PKM: variants seen among roughly 807,000 people sequenced by gnomAD.
PKM encodes pyruvate kinase PKM.
A neutral mutation model predicts 49.8 loss-of-function variants in PKM; 18 were observed. The observed-to-expected ratio is 0.36, with a 90% CI of 0.25 to 0.54. PKM has a LOEUF of 0.54. Among genes scored for constraint, PKM ranks in the 20% least tolerant of loss-of-function variants. The pLI is 0.89. For missense variants in PKM, 508 were observed against 713.8 expected, an observed-to-expected ratio of 0.71 and a Z score of 3.28; for synonymous variants, 239 against 261.8, an observed-to-expected ratio of 0.91 and a Z score of 0.84.
chr15:72,200,821 C>A lies in PKM; in HGVS notation c.1308-166G>T. The A allele has an allele frequency of 1.7e-6, 1 of 605,680 alleles. No individual in the cohort carries two copies. Among genetic ancestry groups the A allele is most frequent in the Non-Finnish European group, 2.9e-6 (1 of 343,060 alleles). 37.5% of individuals were successfully genotyped at this position (605,680 alleles called of 1,614,324 possible). On this transcript the variant is annotated intron_variant, in intron 9 of 10. Coordinates refer to ENST00000335181, the MANE Select transcript of PKM (RefSeq NM_002654.6). The surrounding 1 kb of genome is among the most constrained non-coding windows in gnomAD (Gnocchi z 4.6). ...CCCGAGGCTCGGGCAGCCCCTCATC[C>A]TATATCCCCCACAGCATGCTAGGTT...
chr15:72,205,699 G>A (rs1421760059), intron 8 of PKM, among the ~76,000 whole-genome samples: 24 of 150,038 alleles, frequency 1.6e-4, no homozygotes, highest in Non-Finnish European at 1.5e-5. Flanking sequence ...GCTTGGAGGG[G>A]CTGAGGTCAA....
Position 72,229,735 on chromosome 15 carries a change from CTCG to C in PKM, c.-14+1378_-14+1380del. The C allele has an allele frequency of 3.4e-6, 4 of 1,171,948 alleles. No homozygotes were observed. The South Asian group carries it at 6.2e-5, about 18-fold the overall frequency. 72.6% of individuals were successfully genotyped at this position (1,171,948 alleles called of 1,614,324 possible). A position where few individuals can be genotyped will look rare whatever the true frequency, so the allele number is the denominator to read the frequency against. On this transcript the variant is annotated intron_variant, in intron 1 of 10. Transcript: ENST00000335181. ...AGATTGTGAGCTCGGTGGGCTATGACTCGTCTAGTCATCCTGGTCTCTAACTCT... is the reference window on the plus strand; with the variant it reads ...AGATTGTGAGCTCGGTGGGCTATGACTCTAGTCATCCTGGTCTCTAACTCT...
At chr15:72,224,866 G>GAA (rs778113196) in intron 1 of PKM, among the ~76,000 whole-genome samples, 1 of 122,004 alleles carries the variant, frequency 8.2e-6, no homozygotes, top group African/African-American at 3.0e-5. Flanking sequence ...AGAAAAAAAG[G>GAA]AAAAAAAAAA....
At chr15:72,220,346 C>A (rs1381025147) in intron 1 of PKM, among the ~76,000 whole-genome samples, 1 of 152,192 alleles carries the variant, frequency 6.6e-6, no homozygotes, top group Admixed American at 6.5e-5. Context: ...ACATATGACC[C>A]TTACTCCTTT....
chr15:72,209,000 T>C (rs1462202713), intron 5 of PKM, 109 bp from the exon 6 acceptor site: 1 of 1,206,656 alleles, frequency 8.3e-7, no homozygotes, highest in Admixed American at 2.0e-5. Context: ...GCATTATGGG[T>C]GCTGGAGCTG....
At chr15:72,215,827 G>GT (rs2082365363) in intron 3 of PKM, among the ~76,000 whole-genome samples, 1 of 152,014 alleles carries the variant, frequency 6.6e-6, no homozygotes, top group African/African-American at 2.4e-5. Context: ...CTCCAGCATT[G>GT]TCTTCAGCTC....
At chr15:72,210,272 C>A in intron 4 of PKM, 75 bp downstream of exon 4, 1 of 1,525,626 alleles carries the variant, frequency 6.6e-7, no homozygotes, top group Non-Finnish European at 9.1e-7. Context: ...ACATGGCAAC[C>A]CAGCGCTTTG....
intron 4 of PKM, chr15:72,210,144 T>C (rs1003266831): frequency 2.8e-6 from 2 of 703,096 alleles, no homozygotes; most frequent in African/African-American, 3.6e-5. Context: ...AAAAAAAAGG[T>C]TCCTTTGTGG....
At position 72,227,755 on chromosome 15, in the gene PKM, A is replaced by AC. The variant is rs1567135486; in HGVS notation, c.-14+3360_-14+3361insG. 2.8e-3 allele frequency among the ~76,000 whole-genome samples: 388 copies of AC among 137,484 alleles called. 3 individuals carry two copies. Among genetic ancestry groups the AC allele is most frequent in the African/African-American group, 0.011 (372 of 34,972 alleles). 90.2% of individuals were successfully genotyped at this position (137,484 alleles called of 152,430 possible). On this transcript the variant is annotated intron_variant, in intron 1 of 10. Transcript: ENST00000335181. ...GAGCAAAACTATCTCAAAAAAAAAAAAAAAAAAAAAAAAAAAAAACAAAAA... is the reference window on the plus strand; with the variant it reads ...GAGCAAAACTATCTCAAAAAAAAAAACAAAAAAAAAAAAAAAAAAACAAAAA...
intron 9 of PKM, chr15:72,201,205 T>C (rs2081938824): frequency 6.5e-6 from 1 of 153,202 alleles, no homozygotes; most frequent in African/African-American, 2.4e-5. Context: ...AACTGGGCTA[T>C]AAAGGCCCAG....
At chr15:72,228,772 G>A in intron 1 of PKM, 1 of 420,140 alleles carries the variant, frequency 2.4e-6, no homozygotes, top group South Asian at 1.9e-5. Flanking sequence ...GGGGAGTCCT[G>A]ACCTCCATCT....
rs1415975468 is a variant in PKM at position 72,202,756 on chromosome 15, G to A, written c.1141-136C>T. 1.6e-5 allele frequency: 13 copies of A among 795,580 alleles called. No homozygotes were observed. The East Asian group carries it at 3.2e-4, about 20-fold the overall frequency. 49.3% of individuals were successfully genotyped at this position (795,580 alleles called of 1,614,324 possible). ...TGTTCCTGGGAACAAAGGCCAAGAG[G>A]AGCCCAATCACTGGAGATTCTGAGC... On this transcript the variant is annotated intron_variant, in intron 8 of 10. Coordinates refer to ENST00000335181, the MANE Select transcript of PKM (RefSeq NM_002654.6). This position sits in a 1 kb window ranked among gnomAD's most constrained non-coding sequence, Gnocchi z 4.5.
At chr15:72,216,120 C>A (rs1411018262) in intron 3 of PKM, among the ~76,000 whole-genome samples, 1 of 152,314 alleles carries the variant, frequency 6.6e-6, no homozygotes, top group South Asian at 2.1e-4. Flanking sequence ...TTTCCTGAGG[C>A]TTTATTTTTA....
chr15:72,226,706 A>C (rs1158922139), intron 1 of PKM, among the ~76,000 whole-genome samples: 5 of 152,174 alleles, frequency 3.3e-5, no homozygotes, highest in Non-Finnish European at 7.3e-5. Context: ...ACTGCCCTTG[A>C]ATAACTGGTC....
At position 72,199,603 on chromosome 15, in the gene PKM, G is replaced by A; in HGVS notation, c.*47C>T. The A allele has an allele frequency of 7.5e-7, 1 of 1,336,118 alleles. No individual in the cohort carries two copies. The highest frequency in any genetic ancestry group is 1.1e-6 in the Non-Finnish European group (1 of 929,650). 82.8% of individuals were successfully genotyped at this position (1,336,118 alleles called of 1,614,324 possible). On this transcript the variant is annotated 3_prime_UTR_variant, in exon 11 of 11. Transcript: ENST00000335181. ...GCGTTGCTGGCCTAATGGATGGGCT[G>A]GGGGAAGGGGGTGGGACAGGGGCTG...
At position 72,200,612 on chromosome 15, in the gene PKM, T is replaced by C. The variant is rs1420411763; in HGVS notation, c.1351A>G (p.Ile451Val). ...GTCTGGGGATTCCGGGTCACAGCAA[T>C]GATGGGGGCACGTGGGCGGTATCTG... ...VARYRPRAPI[I>V]AVTRNPQTAR... is the part of the protein sequence containing the mutation. Residue 451 changes from isoleucine (I) to valine (V), a missense_variant, in exon 10 of 11, where the codon ATT becomes GTT. Transcript: ENST00000335181. The surrounding 1 kb of genome is among the most constrained non-coding windows in gnomAD (Gnocchi z 4.6). 3 of 1,613,560 alleles carry C rather than the reference T, an allele frequency of 1.9e-6. No homozygotes were observed. Among genetic ancestry groups the C allele is most frequent in the Admixed American group, 3.3e-5 (2 of 60,006 alleles).
At chr15:72,226,729 C>T (rs976821985) in intron 1 of PKM, among the ~76,000 whole-genome samples, 3 of 152,140 alleles carry the variant, frequency 2.0e-5, no homozygotes, top group African/African-American at 7.2e-5. Flanking sequence ...GGCATCTCTC[C>T]CACTGCAGCC....
At position 72,202,463 on chromosome 15, in the gene PKM, T is replaced by G; in HGVS notation, c.1298A>C (p.Lys433Thr). 6.2e-7 allele frequency: 1 copy of G among 1,612,982 alleles called. No individual in the cohort carries two copies. The highest frequency in any genetic ancestry group is 8.5e-7 in the Non-Finnish European group (1 of 1,179,832). Residue 433 changes from lysine to threonine, a missense_variant, in exon 9 of 11, where the codon AAG becomes ACG. Lys to Thr is a moderately conservative substitution (Grantham distance 78, BLOSUM62 -1). Coordinates refer to ENST00000335181, the MANE Select transcript of PKM (RefSeq NM_002654.6). The surrounding 1 kb of genome is among the most constrained non-coding windows in gnomAD (Gnocchi z 4.5). ...CGCTGCCGCCTCCTACCTGCCAGAC[T>G]TGGTGAGGACGATTATGGCCCCACT... The part of the protein sequence containing the change: ...CCSGAIIVLT[K>T]SGRSAHQVAR...
rs1022637577 is a variant in PKM, at chr15:72,206,896, G to A, written c.988-16C>T. 23 of 1,613,712 alleles carry A rather than the reference G, an allele frequency of 1.4e-5. No homozygotes were observed. Among genetic ancestry groups the A allele is most frequent in the Admixed American group, 3.3e-5 (2 of 60,014 alleles). ...TCTCCAGCATCTGGGAGGGGACAGA[G>A]CATTAGTGAGATGTAGCTTGAGCTG... On this transcript the variant is annotated splice_polypyrimidine_tract_variant and intron_variant, in intron 7 of 10. Coordinates refer to ENST00000335181, the MANE Select transcript of PKM (RefSeq NM_002654.6).
Sources: allele counts gnomAD v4.1 joint callset (sites outside exome capture counted in the v4.1 genomes callset), GRCh38; gene constraint gnomAD v4.1.1; non-coding constraint Gnocchi (gnomAD v3.1); transcripts MANE v1.5; gene names NCBI Gene and HGNC (gene_info 2026-07-23, HGNC 2026-07-21).